Variants in EIF3H observed in about 807,000 individuals in gnomAD.
EIF3H encodes eukaryotic translation initiation factor 3 subunit H, also known as eIF-3-gamma.
EIF3H carries 26 observed loss-of-function variants against 44.2 expected under a neutral mutation model. The ratio of observed to expected loss-of-function variants is 0.59; its 90% CI spans 0.43 to 0.82. The LOEUF (loss-of-function observed/expected upper bound fraction) is 0.82. Ranked by LOEUF, EIF3H falls within the 40% of genes least tolerant of loss-of-function variation. The pLI is 0.00. For synonymous variants in EIF3H, 166 were observed against 151.9 expected, an observed-to-expected ratio of 1.09 and a Z score of -0.68; for missense variants, 359 against 432.8, an observed-to-expected ratio of 0.83 and a Z score of 1.51.
intron 1 of EIF3H, among the ~76,000 whole-genome samples, chr8:116,739,759 C>T (rs563689068): frequency 6.6e-6 from 1 of 152,346 alleles, no homozygotes; most frequent in African/African-American, 2.4e-5. Context: ...CCATGTTTCT[C>T]TGTGTGTGTC....
intron 7 of EIF3H, among the ~76,000 whole-genome samples, chr8:116,645,718 A>G (rs1813284899): frequency 6.6e-6 from 1 of 152,226 alleles, no homozygotes; most frequent in East Asian, 1.9e-4. Flanking sequence ...TTTGGGAAGG[A>G]ATTGTGTCTC....
rs576703782 is a variant in EIF3H, at chr8:116,686,796, A to AT, written c.290-27817dup. Among the ~76,000 whole-genome samples, 430 of 123,858 alleles carry AT rather than the reference A, an allele frequency of 3.5e-3. 1 individual carries two copies. Among genetic ancestry groups the AT allele is most frequent in the African/African-American group, 0.01 (403 of 39,232 alleles). The allele number at this position is 123,858 out of a possible 152,430, so 81.3% of individuals were successfully genotyped here. On this transcript the variant is annotated intron_variant, in intron 2 of 7. Transcript: ENST00000521861. ...GGCAAGAGTTTGCCAGGCCAAAAAAATAAAAAATAAAAAGTGAAAGCAGTA... is the reference window on the plus strand; with the variant it reads ...GGCAAGAGTTTGCCAGGCCAAAAAAATTAAAAAATAAAAAGTGAAAGCAGTA...
At chr8:116,740,965 T>C (rs758500547) in intron 1 of EIF3H, among the ~76,000 whole-genome samples, 1 of 152,236 alleles carries the variant, frequency 6.6e-6, no homozygotes, top group African/African-American at 2.4e-5. Context: ...TCAAACTACC[T>C]AGCACACAAT....
In EIF3H at chr8:116,698,430, G is replaced by A. The variant is rs139921738; in HGVS notation, c.289+27586C>T. ...TCCTATCTACCCCATCTTCATTCCCGCCACCACTAACTAGTCTTCTTGCAT... is the reference window on the plus strand; with the variant it reads ...TCCTATCTACCCCATCTTCATTCCCACCACCACTAACTAGTCTTCTTGCAT... On this transcript the variant is annotated intron_variant, in intron 2 of 7. Coordinates refer to ENST00000521861, the MANE Select transcript of EIF3H (RefSeq NM_003756.3). 5.1e-3 allele frequency among the ~76,000 whole-genome samples: 780 copies of A among 151,992 alleles called. 1 individual carries two copies. Among genetic ancestry groups the A allele is most frequent in the Non-Finnish European group, 7.1e-3 (484 of 67,968 alleles).
intron 1 of EIF3H, among the ~76,000 whole-genome samples, chr8:116,733,366 G>A (rs113451049): frequency 6.6e-6 from 1 of 152,134 alleles, no homozygotes; most frequent in Non-Finnish European, 1.5e-5. Flanking sequence ...CTTTCCCAGA[G>A]GTCAGTGGGG....
intron 1 of EIF3H, among the ~76,000 whole-genome samples, chr8:116,743,618 G>C (rs1252738803): frequency 4.6e-5 from 7 of 151,280 alleles, no homozygotes; most frequent in Non-Finnish European, 5.9e-5. Context: ...AGCTAGGTGT[G>C]GTAACATGCA....
At chr8:116,673,156 A>AT (rs1185362638) in intron 2 of EIF3H, among the ~76,000 whole-genome samples, 2 of 152,052 alleles carry the variant, frequency 1.3e-5, no homozygotes, top group African/African-American at 4.8e-5. Context: ...TATTTTCTCA[A>AT]TTTTTACTAA....
chr8:116,710,091 G>A lies in EIF3H; in HGVS notation c.289+15925C>T, dbSNP rs555284991. ...CCTTTCCATGCTCTTTTCTCATTCT[G>A]CTTGCCCAGATGGCAGTCACGGCAG... On this transcript the variant is annotated intron_variant, in intron 2 of 7. Transcript: ENST00000521861. Among the ~76,000 whole-genome samples, 34 of 152,164 alleles carry A rather than the reference G, an allele frequency of 2.2e-4. No individual in the cohort carries two copies. The Middle Eastern group carries it at 0.024, about 107-fold the overall frequency.
chr8:116,705,665 G>T (rs1338551593), intron 2 of EIF3H, among the ~76,000 whole-genome samples: 1 of 152,068 alleles, frequency 6.6e-6, no homozygotes, highest in Non-Finnish European at 1.5e-5. Flanking sequence ...CTGCCTAGAT[G>T]GTGGGAAACA....
chr8:116,708,137 C>A (rs571666039), intron 2 of EIF3H, among the ~76,000 whole-genome samples: 1 of 151,980 alleles, frequency 6.6e-6, no homozygotes, highest in South Asian at 2.1e-4. Flanking sequence ...TCCAAAAAGA[C>A]GGTAACATTC....
At chr8:116,755,195 A>T (rs1815419321) in intron 1 of EIF3H, among the ~76,000 whole-genome samples, 1 of 152,220 alleles carries the variant, frequency 6.6e-6, no homozygotes, top group Non-Finnish European at 1.5e-5. Context: ...ATACGGTTTC[A>T]GATAAAGCGC....
chr8:116,739,434 AG>A lies in EIF3H; in HGVS notation c.133-13263del, dbSNP rs1277509747. On this transcript the variant is annotated intron_variant, in intron 1 of 7. Coordinates refer to ENST00000521861, the MANE Select transcript of EIF3H (RefSeq NM_003756.3). ...TGGAGGCCGCGGCGGGCAGATCACG[AG>A]GTCAGGAGATCGAGACCATCCTGGC... is the stretch of plus-strand genomic sequence containing the variant. Among the ~76,000 whole-genome samples, 2 of 152,190 alleles carry A rather than the reference AG, an allele frequency of 1.3e-5. 1 individual carries two copies. Among genetic ancestry groups the A allele is most frequent in the Non-Finnish European group, 2.9e-5 (2 of 68,046 alleles).
chr8:116,683,131 T>C (rs1814017909), intron 2 of EIF3H, among the ~76,000 whole-genome samples: 1 of 152,256 alleles, frequency 6.6e-6, no homozygotes. Flanking sequence ...TTTCATGTTC[T>C]ATGTAATGAA....
intron 1 of EIF3H, among the ~76,000 whole-genome samples, chr8:116,741,467 T>C (rs1815131626): frequency 1.3e-5 from 2 of 152,234 alleles, no homozygotes; most frequent in South Asian, 4.1e-4. Context: ...ATATGTGTGT[T>C]TATGTGTAAT....
At chr8:116,714,408 T>C (rs1262166178) in intron 2 of EIF3H, among the ~76,000 whole-genome samples, 1 of 152,146 alleles carries the variant, frequency 6.6e-6, no homozygotes, top group South Asian at 2.1e-4. Flanking sequence ...ACAATTTTTT[T>C]ATGTACACAC....
At chr8:116,749,057 T>C (rs1291108195) in intron 1 of EIF3H, among the ~76,000 whole-genome samples, 6 of 152,208 alleles carry the variant, frequency 3.9e-5, no homozygotes, top group African/African-American at 1.4e-4. Context: ...AATAACATAC[T>C]CTACCTTACT....
intron 1 of EIF3H, among the ~76,000 whole-genome samples, chr8:116,761,931 C>A (rs1815522716): frequency 6.6e-6 from 1 of 152,186 alleles, no homozygotes; most frequent in Admixed American, 6.5e-5. Context: ...ATTTAACTAA[C>A]TTTTCTCAAC....
rs1484959961 is a variant in EIF3H at position 116,653,806 on chromosome 8, T to TA, written c.707+2049dup. ...GAACTTCCATCTAATAAAATTAAAA[T>TA]AAAAAAATTTGAATTTTTCAACAAA... On this transcript the variant is annotated intron_variant, in intron 5 of 7. Coordinates refer to ENST00000521861, the MANE Select transcript of EIF3H (RefSeq NM_003756.3). Among the ~76,000 whole-genome samples, 6 of 152,244 alleles carry TA rather than the reference T, an allele frequency of 3.9e-5. No homozygotes were observed. The East Asian group carries it at 7.7e-4, about 20-fold the overall frequency.
chr8:116,652,755 G>T (rs1288884612), intron 5 of EIF3H, among the ~76,000 whole-genome samples: 3 of 151,268 alleles, frequency 2.0e-5, no homozygotes, highest in South Asian at 2.1e-4. Context: ...TTGGAAAAAT[G>T]AGCCTATAAA....
Sources: allele counts gnomAD v4.1 joint callset (sites outside exome capture counted in the v4.1 genomes callset), GRCh38; gene constraint gnomAD v4.1.1; transcripts MANE v1.5; gene names NCBI Gene and HGNC (gene_info 2026-07-23, HGNC 2026-07-21).